DNMT1: variants seen among roughly 807,000 people sequenced by gnomAD.
The protein encoded by DNMT1 is DNA methyltransferase 1.
Under a neutral mutation model 205.3 loss-of-function variants are expected in DNMT1, and 24 were observed. The ratio of observed to expected loss-of-function variants is 0.12; its 90% CI spans 0.08 to 0.16. The LOEUF is 0.16. Among genes scored for constraint, DNMT1 ranks in the 10% least tolerant of loss-of-function variants. DNMT1 has a pLI of 1.00. For synonymous variants in DNMT1, 817 were observed against 839.8 expected, an observed-to-expected ratio of 0.97 and a Z score of 0.47; for missense variants, 1,293 against 2,177.7, an observed-to-expected ratio of 0.59 and a Z score of 8.09.
In DNMT1 at chr19:10,180,575, G is replaced by T. The variant is rs2039027984; in HGVS notation, c.226-6C>A. ...ACTTTAGCCAGGTAGCCCTCCTACA[G>T]CAGGAAAGGATAATTTAAGTAGCAG... On this transcript the variant is annotated splice_region_variant and splice_polypyrimidine_tract_variant and intron_variant, in intron 3 of 40. Coordinates refer to ENST00000359526, the MANE Select transcript of DNMT1 (RefSeq NM_001130823.3). The T allele has an allele frequency of 3.7e-6, 6 of 1,613,782 alleles. No homozygotes were observed. Among genetic ancestry groups the T allele is most frequent in the Admixed American group, 1.7e-5 (1 of 59,966 alleles).
At position 10,137,895 on chromosome 19, in the gene DNMT1, G is replaced by A. The variant is rs774626723; in HGVS notation, c.4230C>T (p.Ser1410=). ...LEISYNGEPQ[S]WFQRQLRGAQ... ...CGCCCCGGAGCTGCCTCTGGAACCA[G>A]GACTGAGGCTCCCCGTTGTAGGAGA... The change falls in exon 36 of 41, where the codon TCC becomes TCT. Residue 1410 remains serine (S), a synonymous_variant. Transcript: ENST00000359526. The surrounding 1 kb of genome is among the most constrained non-coding windows in gnomAD (Gnocchi z 6.4). 13 of 1,613,616 alleles carry A rather than the reference G, an allele frequency of 8.1e-6. No homozygotes were observed. The highest frequency in any genetic ancestry group is 1.7e-5 in the Admixed American group (1 of 59,968).
chr19:10,193,699 G>C (rs1392766475), intron 1 of DNMT1, among the ~76,000 whole-genome samples: 4 of 151,790 alleles, frequency 2.6e-5, no homozygotes, highest in African/African-American at 9.7e-5. Context: ...AAAAAAAGCG[G>C]GGGTTGAACC....
intron 6 of DNMT1, among the ~76,000 whole-genome samples, chr19:10,176,037 G>A (rs998094943): frequency 7.2e-5 from 11 of 152,040 alleles, no homozygotes; most frequent in African/African-American, 1.7e-4. Context: ...GGGTTGTGGC[G>A]GGCACTTGTA....
chr19:10,193,563 C>T (rs2039342489), intron 1 of DNMT1, among the ~76,000 whole-genome samples: 1 of 150,898 alleles, frequency 6.6e-6, no homozygotes, highest in South Asian at 2.1e-4. Flanking sequence ...GGGGTTTTGC[C>T]TTGTTGCCCA....
At chr19:10,194,566 AC>A (rs1007134548) in intron 1 of DNMT1, 23 of 456,676 alleles carry the variant, frequency 5.0e-5, no homozygotes, top group African/African-American at 4.4e-4. Flanking sequence ...TCAAAAGAGA[AC>A]CCCCACCCCG....
intron 1 of DNMT1, 40 bp downstream of exon 1, chr19:10,194,780 C>G: frequency 6.3e-7 from 1 of 1,589,596 alleles, no homozygotes; most frequent in Non-Finnish European, 8.5e-7. Context: ...CAGCGCCCTG[C>G]CTGTCCCCCT....
chr19:10,141,833 A>T, intron 30 of DNMT1, 195 bp downstream of exon 30: 1 of 623,560 alleles, frequency 1.6e-6, no homozygotes, highest in South Asian at 2.1e-5. Flanking sequence ...CTTGAATCTC[A>T]TACAACTTGT....
chr19:10,155,732 A>T, intron 19 of DNMT1, 121 bp downstream of exon 19: 1 of 1,038,018 alleles, frequency 9.6e-7, no homozygotes, highest in Non-Finnish European at 1.5e-6. Context: ...TAAGGTTCCC[A>T]GTCACATGGC....
chr19:10,163,013 G>A (rs537071231), intron 12 of DNMT1: 4 of 555,280 alleles, frequency 7.2e-6, no homozygotes, highest in South Asian at 2.3e-5. Context: ...TGTCCAGGCT[G>A]GAGTGCAGTG....
intron 11 of DNMT1, among the ~76,000 whole-genome samples, chr19:10,164,038 C>A (rs1025935396): frequency 3.9e-5 from 6 of 152,170 alleles, no homozygotes; most frequent in African/African-American, 1.4e-4. Context: ...GCATTTACTA[C>A]TCCAGGACTC....
In DNMT1 at chr19:10,140,027, G is replaced by T; in HGVS notation, c.3806+19C>A. The T allele has an allele frequency of 6.2e-7, 1 of 1,605,338 alleles. No individual in the cohort carries two copies. Among genetic ancestry groups the T allele is most frequent in the East Asian group, 2.2e-5 (1 of 44,882 alleles). On this transcript the variant is annotated intron_variant, in intron 33 of 40. Transcript: ENST00000359526. This position sits in a 1 kb window ranked among gnomAD's most constrained non-coding sequence, Gnocchi z 8.4. ...GCCCCGGGCCGTCTGGCAACACTGG[G>T]GGGCTTCTACCCGTTTACCTGAGGA...
intron 2 of DNMT1, 98 bp from the exon 3 acceptor site, chr19:10,180,983 G>C (rs867875632): frequency 2.1e-6 from 2 of 949,766 alleles, no homozygotes; most frequent in Middle Eastern, 2.4e-4. Flanking sequence ...ACATCACAAT[G>C]AGTGAATGGC....
intron 11 of DNMT1, among the ~76,000 whole-genome samples, chr19:10,164,653 C>T (rs1018487168): frequency 7.2e-5 from 11 of 151,942 alleles, no homozygotes; most frequent in Non-Finnish European, 1.2e-4. Context: ...ACACGCCGGG[C>T]GTGGTGCCTC....
intron 9 of DNMT1, among the ~76,000 whole-genome samples, chr19:10,170,406 A>G (rs2038791536): frequency 6.6e-6 from 1 of 152,168 alleles, no homozygotes. Flanking sequence ...TGGGAGGCCG[A>G]GGCGGGTGGA....
rs778937086 is a variant in DNMT1 at position 10,137,030 on chromosome 19, G to A, written c.4489+55C>T. 1 of 1,579,312 alleles carries A rather than the reference G, an allele frequency of 6.3e-7. No homozygotes were observed. Among genetic ancestry groups the A allele is most frequent in the East Asian group, 2.3e-5 (1 of 43,710 alleles). On this transcript the variant is annotated intron_variant, in intron 37 of 40. Coordinates refer to ENST00000359526, the MANE Select transcript of DNMT1 (RefSeq NM_001130823.3). This position sits in a 1 kb window ranked among gnomAD's most constrained non-coding sequence, Gnocchi z 6.4. ...TCCAGGTTCACAGGCCAAAGGCCCA[G>A]GGCTCTGCCTTCCTTCCCCTCAGCC...
intron 39 of DNMT1, 77 bp downstream of exon 39, chr19:10,135,659 G>A (rs776164218): frequency 2.0e-5 from 30 of 1,488,310 alleles, no homozygotes; most frequent in African/African-American, 1.9e-4. Flanking sequence ...AAGTGACTGC[G>A]CTGGCCCCAG....
At chr19:10,149,311 G>A in intron 26 of DNMT1, 142 bp downstream of exon 26, 6 of 1,131,670 alleles carry the variant, frequency 5.3e-6, no homozygotes, top group African/African-American at 3.2e-5. Context: ...GGCAACAAGA[G>A]CGAAACTCAG....
chr19:10,189,563 G>A (rs943906663), intron 1 of DNMT1, among the ~76,000 whole-genome samples: 3 of 151,868 alleles, frequency 2.0e-5, no homozygotes, highest in South Asian at 2.1e-4. Flanking sequence ...GGGACCCCAG[G>A]TGCATGCCAC....
Position 10,146,541 on chromosome 19 carries a change from G to A in DNMT1, c.2721-17C>T. The A allele has an allele frequency of 1.2e-6, 2 of 1,613,886 alleles. No homozygotes were observed. The highest frequency in any genetic ancestry group is 2.2e-5 in the South Asian group (2 of 91,066). ...ACACAGAATCTGAAGGAAACAAAGG[G>A]ACAGAAACATAAGGCCCTGAGGTGG... On this transcript the variant is annotated splice_polypyrimidine_tract_variant and intron_variant, in intron 27 of 40. Coordinates refer to ENST00000359526, the MANE Select transcript of DNMT1 (RefSeq NM_001130823.3). This position sits in a 1 kb window ranked among gnomAD's most constrained non-coding sequence, Gnocchi z 4.4.
Sources: gnomAD v4.1 joint callset for allele counts (sites outside exome capture counted in the v4.1 genomes callset) on GRCh38, gnomAD v4.1.1 for gene constraint, Gnocchi (gnomAD v3.1) non-coding constraint, MANE v1.5 for transcripts, NCBI Gene and HGNC (gene_info 2026-07-23, HGNC 2026-07-21) for gene names.